The following VPS13C variants were observed in gnomAD, a reference collection of about 807,000 sequenced individuals.
VPS13C encodes the protein vacuolar protein sorting 13 homolog C, also known as intermembrane lipid transfer protein VPS13C.
VPS13C carries 358 observed loss-of-function variants against 456.8 expected under a neutral mutation model. The observed-to-expected ratio is 0.78, with a 90% CI of 0.72 to 0.86. The LOEUF is 0.86. Ranked by LOEUF, VPS13C falls within the 40% of genes least tolerant of loss-of-function variation. The pLI is 0.00. For synonymous variants in VPS13C, 1,578 were observed against 1,486.7 expected (o/e 1.06, Z -1.41); for missense variants, 4,818 against 4,385.4 (o/e 1.10, Z -2.79).
intron 6 of VPS13C, 48 bp from the exon 7 acceptor site, chr15:62,023,893 G>A: frequency 6.5e-7 from 1 of 1,539,378 alleles, no homozygotes. Flanking sequence ...ATTCAAGTTA[G>A]CAGACTACAG....
At position 61,914,878 on chromosome 15, in the gene VPS13C, T is replaced by TAAAAAAAAAAAAAAAAAAAAA. The variant is rs60910951; in HGVS notation, c.8445+734_8445+754dup. ...ACCGAGCCTGGCCAAAACTCTGCCT[T>TAAAAAAAAAAAAAAAAAAAAA]AAAAAAAAAAAAAAAAAAAAAAAAA... On this transcript the variant is annotated intron_variant, in intron 61 of 84. Transcript: ENST00000644861. Among the ~76,000 whole-genome samples the TAAAAAAAAAAAAAAAAAAAAA allele has an allele frequency of 4.3e-4, 44 of 102,052 alleles. 2 individuals carry two copies. The highest frequency in any genetic ancestry group is 6.0e-4 in the Non-Finnish European group (31 of 51,266). The allele number at this position is 102,052 out of a possible 152,430, so 67.0% of individuals were successfully genotyped here. A position where few individuals can be genotyped will look rare whatever the true frequency, so the allele number is the denominator to read the frequency against.
intron 66 of VPS13C, among the ~76,000 whole-genome samples, chr15:61,904,478 T>TAAA (rs750420390): frequency 4.5e-5 from 6 of 131,968 alleles, no homozygotes; most frequent in African/African-American, 1.1e-4. Context: ...AGGCTTTAAT[T>TAAA]AAAAAAAAAA....
intron 2 of VPS13C, among the ~76,000 whole-genome samples, chr15:62,042,420 A>G (rs2048271337): frequency 6.6e-6 from 1 of 152,128 alleles, no homozygotes; most frequent in Non-Finnish European, 1.5e-5. Flanking sequence ...ATAATTAACT[A>G]AAATAATCAA....
At chr15:62,050,676 C>A (rs1024337956) in intron 1 of VPS13C, among the ~76,000 whole-genome samples, 3 of 151,936 alleles carry the variant, frequency 2.0e-5, no homozygotes, top group Non-Finnish European at 2.9e-5. Flanking sequence ...GTGGCAGGTG[C>A]CTGTCATCTC....
At chr15:62,027,083 G>A (rs1015666695) in intron 6 of VPS13C, among the ~76,000 whole-genome samples, 1 of 152,008 alleles carries the variant, frequency 6.6e-6, no homozygotes, top group East Asian at 1.9e-4. Flanking sequence ...AATATCAAAT[G>A]AGGAAATAAT....
chr15:62,003,003 G>C (rs2046689469), intron 15 of VPS13C, among the ~76,000 whole-genome samples: 2 of 152,072 alleles, frequency 1.3e-5, no homozygotes, highest in Non-Finnish European at 2.9e-5. Context: ...GGCAATGCGG[G>C]CTCTTTTTTG....
intron 83 of VPS13C, 56 bp downstream of exon 83, chr15:61,856,230 A>T: frequency 6.3e-7 from 1 of 1,599,390 alleles, no homozygotes; most frequent in Non-Finnish European, 8.5e-7. Flanking sequence ...AGTTAACTGC[A>T]AAACAGTCTA....
intron 35 of VPS13C, among the ~76,000 whole-genome samples, chr15:61,960,005 T>C (rs2045140222): frequency 6.6e-6 from 1 of 152,198 alleles, no homozygotes; most frequent in Admixed American, 6.5e-5. Context: ...AGGTTTTCTC[T>C]AGGATTATTT....
At chr15:61,912,154 T>A in intron 62 of VPS13C, 150 bp from the exon 63 acceptor site, 1 of 741,450 alleles carries the variant, frequency 1.3e-6, no homozygotes, top group Non-Finnish European at 1.9e-6. Flanking sequence ...CAAAAGATTA[T>A]CTTCTGAGAA....
At chr15:61,961,463 A>G in intron 35 of VPS13C, 126 bp downstream of exon 35, 1 of 917,426 alleles carries the variant, frequency 1.1e-6, no homozygotes, top group Non-Finnish European at 1.6e-6. Context: ...CAACAATAAA[A>G]AAAACTGTTC....
intron 66 of VPS13C, among the ~76,000 whole-genome samples, chr15:61,892,684 G>A (rs972926944): frequency 6.6e-6 from 1 of 152,176 alleles, no homozygotes; most frequent in Non-Finnish European, 1.5e-5. Flanking sequence ...AGACAGCCAC[G>A]TGTGAGTTCT....
chr15:61,963,199 G>A (rs1001574802), intron 32 of VPS13C, among the ~76,000 whole-genome samples: 5 of 152,008 alleles, frequency 3.3e-5, no homozygotes, highest in Admixed American at 3.3e-4. Flanking sequence ...TAGATGCGCT[G>A]CCAGTTTGGA....
At chr15:61,884,412 C>A in intron 67 of VPS13C, 143 bp from the exon 68 acceptor site, 1 of 855,622 alleles carries the variant, frequency 1.2e-6, no homozygotes, top group South Asian at 1.9e-5. Context: ...CGAACTATAC[C>A]TGTGTTGCAA....
At chr15:61,909,193 A>G (rs2043230005) in intron 64 of VPS13C, 68 bp from the exon 65 acceptor site, 1 of 1,573,710 alleles carries the variant, frequency 6.4e-7, no homozygotes, top group Non-Finnish European at 8.6e-7. Context: ...TGGAATTTCA[A>G]TATTACGTAA....
Position 61,884,172 on chromosome 15 carries a change from T to C in VPS13C, c.9439A>G (p.Ile3147Val). ...TTAATCCAGCCATGGTCTCTTGATATTTGATGTTTCTGATAGGATTGTTCC... is the reference window on the plus strand; with the variant it reads ...TTAATCCAGCCATGGTCTCTTGATACTTGATGTTTCTGATAGGATTGTTCC... ...LLEQSYQKHQ[I>V]SRDHGWIKLD... is the part of the protein sequence containing the mutation. The change falls in exon 68 of 85, where the codon ATA becomes GTA. Residue 3147 changes from isoleucine (I) to valine (V), a missense_variant. Physicochemically the swap from Ile to Val is conservative, Grantham distance 29. This residue lies in a region of VPS13C where 4,552 missense variants were observed against 4,130.6 expected (regional missense o/e 1.10). Coordinates refer to ENST00000644861, the MANE Select transcript of VPS13C (RefSeq NM_020821.3). The C allele has an allele frequency of 1.2e-6, 2 of 1,610,018 alleles. No homozygotes were observed. Among genetic ancestry groups the C allele is most frequent in the East Asian group, 2.2e-5 (1 of 44,634 alleles).
chr15:61,890,776 G>C (rs1251548817), intron 66 of VPS13C, among the ~76,000 whole-genome samples: 1 of 152,188 alleles, frequency 6.6e-6, no homozygotes, highest in African/African-American at 2.4e-5. Flanking sequence ...GCCCAGAGTG[G>C]TGGCTCACGC....
In VPS13C at chr15:61,917,622, T is replaced by A. The variant is rs1376038660; in HGVS notation, c.7774A>T (p.Ile2592Phe). Residue 2592 changes from isoleucine (I) to phenylalanine (F), a missense_variant, in exon 60 of 85, where the codon ATC becomes TTC. Coordinates refer to ENST00000644861, the MANE Select transcript of VPS13C (RefSeq NM_020821.3). ...TGCTCTAAGATTCCAGCTGGCTGGA[T>A]AAACAATTGACATCTGCAGAAAGAG... ...PLDSYRCQLF[I>F]QPAGILEHQY... 2.5e-6 allele frequency: 4 copies of A among 1,610,650 alleles called. No individual in the cohort carries two copies. The highest frequency in any genetic ancestry group is 3.4e-6 in the Non-Finnish European group (4 of 1,177,212).
intron 22 of VPS13C, 56 bp downstream of exon 22, chr15:61,981,281 TGGAGA>T: frequency 6.7e-7 from 1 of 1,503,094 alleles, no homozygotes; most frequent in Non-Finnish European, 8.9e-7. Flanking sequence ...AGCAAACTGT[TGGAGA>T]GTTAGCTAGC....
chr15:61,951,026 T>TA lies in VPS13C; in HGVS notation c.4457-3dup. ...TGTGAAGAGGTTCCCCTTTAGAGTC[T>TA]AAAAGAGAAAAAAGACAAAGTTGAT... On this transcript the variant is annotated splice_region_variant and splice_polypyrimidine_tract_variant and intron_variant, in intron 39 of 84. Coordinates refer to ENST00000644861, the MANE Select transcript of VPS13C (RefSeq NM_020821.3). 2 of 1,573,874 alleles carry TA rather than the reference T, an allele frequency of 1.3e-6. No homozygotes were observed. The highest frequency in any genetic ancestry group is 1.2e-5 in the South Asian group (1 of 84,302).
Sources: gnomAD v4.1 joint callset for allele counts (sites outside exome capture counted in the v4.1 genomes callset) on GRCh38, gnomAD v4.1.1 for gene constraint, gnomAD v4.1.1 regional missense constraint, MANE v1.5 for transcripts, NCBI Gene and HGNC (gene_info 2026-07-23, HGNC 2026-07-21) for gene names.